Variants in HUNK observed in about 807,000 individuals in gnomAD.
HUNK encodes the protein hormonally up-regulated neu tumor-associated kinase.
HUNK carries 21 observed loss-of-function variants against 61.0 expected under a neutral mutation model. The observed-to-expected ratio is 0.34, with a 90% confidence interval of 0.24 to 0.50. The LOEUF (loss-of-function observed/expected upper bound fraction) is 0.50. Among genes scored for constraint, HUNK ranks in the 20% least tolerant of loss-of-function variants. HUNK has a pLI of 0.98. For missense variants in HUNK, 772 were observed against 945.7 expected (o/e 0.82, Z 2.41); for synonymous variants, 371 against 386.1 (o/e 0.96, Z 0.46).
At chr21:31,943,614 A>C (rs1334681211) in intron 3 of HUNK, among the ~76,000 whole-genome samples, 2 of 152,222 alleles carry the variant, frequency 1.3e-5, no homozygotes, top group Non-Finnish European at 1.5e-5. Flanking sequence ...TAACATGCAG[A>C]TTCTCTCTCT....
intron 6 of HUNK, among the ~76,000 whole-genome samples, chr21:31,968,747 TGTGTGTGAGAGA>T (rs1424962725): frequency 1.2e-4 from 15 of 129,814 alleles, no homozygotes; most frequent in African/African-American, 3.8e-4. Flanking sequence ...TGTGTGTGTG[TGTGTGTGAGAGA>T]GAGAGAGTGA....
At chr21:31,897,932 C>A (rs2052436606) in intron 1 of HUNK, among the ~76,000 whole-genome samples, 2 of 152,102 alleles carry the variant, frequency 1.3e-5, no homozygotes, top group African/African-American at 2.4e-5. Context: ...CCCTGGGATG[C>A]TCATCATTGT....
intron 1 of HUNK, among the ~76,000 whole-genome samples, chr21:31,913,339 G>A (rs1218746431): frequency 6.6e-6 from 1 of 152,078 alleles, no homozygotes; most frequent in Non-Finnish European, 1.5e-5. Flanking sequence ...GTGGGAGACA[G>A]GAGGCAGAGA....
chr21:31,999,451 A>G lies in HUNK; in HGVS notation c.*267A>G. 2.5e-6 allele frequency: 1 copy of G among 406,294 alleles called. No homozygotes were observed. The highest frequency in any genetic ancestry group is 4.4e-6 in the Non-Finnish European group (1 of 228,730). The allele number at this position is 406,294 out of a possible 1,614,324, so 25.2% of individuals were successfully genotyped here. On this transcript the variant is annotated 3_prime_UTR_variant, in exon 11 of 11. Transcript: ENST00000270112. ...TCCCAAGTACTCACCAACCCCTTCCACTTCCCACTTCCCCCAGGCTTGGGG... is the reference window on the plus strand; with the variant it reads ...TCCCAAGTACTCACCAACCCCTTCCGCTTCCCACTTCCCCCAGGCTTGGGG...
intron 3 of HUNK, among the ~76,000 whole-genome samples, chr21:31,940,752 A>C (rs1435191423): frequency 6.6e-6 from 1 of 152,182 alleles, no homozygotes; most frequent in Non-Finnish European, 1.5e-5. Flanking sequence ...TCCATAGCAA[A>C]TTCACTGCAC....
chr21:31,874,117 C>A (rs1601352436), intron 1 of HUNK, among the ~76,000 whole-genome samples, 182 bp downstream of exon 1: 1 of 140,212 alleles, frequency 7.1e-6, no homozygotes, highest in Admixed American at 7.1e-5. Context: ...TTCCCGAAGG[C>A]GGCCTGCGGT....
At chr21:31,938,138 A>G (rs994482481) in intron 2 of HUNK, among the ~76,000 whole-genome samples, 4 of 151,978 alleles carry the variant, frequency 2.6e-5, no homozygotes, top group Admixed American at 6.6e-5. Flanking sequence ...AATTCTTACC[A>G]TCTTGTAGTC....
chr21:31,988,353 A>G (rs1164234510), intron 8 of HUNK, among the ~76,000 whole-genome samples: 2 of 152,184 alleles, frequency 1.3e-5, no homozygotes, highest in South Asian at 2.1e-4. Flanking sequence ...ATGTTAATTT[A>G]TAGGAAAATG....
intron 1 of HUNK, among the ~76,000 whole-genome samples, chr21:31,909,815 C>T (rs980386925): frequency 1.3e-5 from 2 of 152,236 alleles, no homozygotes; most frequent in South Asian, 2.1e-4. Context: ...ACGTTCCACT[C>T]GGATGCATTT....
At chr21:31,938,827 G>A (rs561301267) in intron 2 of HUNK, among the ~76,000 whole-genome samples, 2 of 152,290 alleles carry the variant, frequency 1.3e-5, no homozygotes, top group East Asian at 3.9e-4. Context: ...GCCTGCATTG[G>A]CAGGCTACAA....
chr21:31,961,660 G>A (rs1264649522), intron 5 of HUNK, among the ~76,000 whole-genome samples: 1 of 152,200 alleles, frequency 6.6e-6, no homozygotes, highest in Non-Finnish European at 1.5e-5. Context: ...GTCTTTCAAA[G>A]CAGTCTCTGT....
chr21:31,875,560 CTCGAT>C lies in HUNK; in HGVS notation c.261+1644_261+1648del, dbSNP rs766406419. On this transcript the variant is annotated intron_variant, in intron 1 of 10. Transcript: ENST00000270112. ...GCAGGAGCGAGGCACACTTACACTC[CTCGAT>C]TCGATTCGATTCGATTCGTAGTGAG... is the stretch of plus-strand genomic sequence containing the variant. Among the ~76,000 whole-genome samples the C allele has an allele frequency of 2.5e-4, 38 of 152,176 alleles. 1 individual carries two copies. Among genetic ancestry groups the C allele is most frequent in the Admixed American group, 2.2e-3 (34 of 15,278 alleles).
chr21:31,966,637 A>G (rs1418245031), intron 5 of HUNK, among the ~76,000 whole-genome samples: 1 of 152,190 alleles, frequency 6.6e-6, no homozygotes, highest in Non-Finnish European at 1.5e-5. Context: ...CCTGCAGAAA[A>G]TGAGTTGACA....
chr21:31,885,685 A>G (rs1347471713), intron 1 of HUNK, among the ~76,000 whole-genome samples: 1 of 151,890 alleles, frequency 6.6e-6, no homozygotes, highest in African/African-American at 2.4e-5. Flanking sequence ...GTCTCTTTAC[A>G]TCGTCTGCCC....
At chr21:31,950,794 G>C (rs1048384651) in intron 4 of HUNK, among the ~76,000 whole-genome samples, 1 of 152,168 alleles carries the variant, frequency 6.6e-6, no homozygotes, top group Non-Finnish European at 1.5e-5. Flanking sequence ...TGCTGGGTTA[G>C]ACACTGTTAT....
At chr21:31,878,084 C>T (rs2052278854) in intron 1 of HUNK, among the ~76,000 whole-genome samples, 1 of 151,194 alleles carries the variant, frequency 6.6e-6, no homozygotes, top group Admixed American at 6.6e-5. Context: ...CATGGTGAAA[C>T]CCTGTCTCTA....
At chr21:31,995,629 C>T (rs1313542352) in intron 9 of HUNK, 139 bp from the exon 10 acceptor site, 2 of 738,028 alleles carry the variant, frequency 2.7e-6, no homozygotes, top group Admixed American at 5.4e-5. Context: ...CAGCTCCTCC[C>T]TCATTCAACA....
rs1189980985 is a variant in HUNK, at chr21:31,983,611, T to G, written c.1257+2T>G. On this transcript the variant is annotated splice_donor_variant, in intron 8 of 10. Coordinates refer to ENST00000270112, the MANE Select transcript of HUNK (RefSeq NM_014586.2). LOFTEE classifies it high-confidence loss of function. Reference sequence around the variant, plus strand: ...AGGGCCCCCAAGGAGTCCTATGAGGTGAGTGACCCCTGAAGCAAACCTCAG... The same window carrying G: ...AGGGCCCCCAAGGAGTCCTATGAGGGGAGTGACCCCTGAAGCAAACCTCAG... The G allele has an allele frequency of 1.1e-5, 18 of 1,609,012 alleles. No individual in the cohort carries two copies. The highest frequency in any genetic ancestry group is 1.5e-5 in the Non-Finnish European group (18 of 1,176,304).
At chr21:31,945,426 C>T (rs1295338000) in intron 3 of HUNK, among the ~76,000 whole-genome samples, 2 of 152,164 alleles carry the variant, frequency 1.3e-5, no homozygotes, top group Admixed American at 1.3e-4. Context: ...TGCTACTTTT[C>T]CAGCCAGCAT....
Sources: gnomAD v4.1 joint callset for allele counts (sites outside exome capture counted in the v4.1 genomes callset) on GRCh38, gnomAD v4.1.1 for gene constraint, MANE v1.5 for transcripts, NCBI Gene and HGNC (gene_info 2026-07-23, HGNC 2026-07-21) for gene names.